Variants in LRRC7 observed in about 807,000 individuals in gnomAD.
LRRC7 encodes the protein leucine-rich repeat-containing protein 7.
LRRC7 carries 23 observed loss-of-function variants against 175.7 expected under a neutral mutation model. The ratio of observed to expected loss-of-function variants is 0.13; its 90% CI spans 0.09 to 0.19. The LOEUF is 0.19. LRRC7 is among the 10% of genes least tolerant of loss of function. The probability of loss-of-function intolerance (pLI) is 1.00; values close to 1 mark genes in which losing one functional copy is unlikely to be tolerated. For missense variants in LRRC7, 1,354 were observed against 1,904.7 expected (o/e 0.71, Z 5.38); for synonymous variants, 685 against 680.9 (o/e 1.01, Z -0.09).
At chr1:69,919,457 G>A in intron 7 of LRRC7, 1 of 987,956 alleles carries the variant, frequency 1.0e-6, no homozygotes, top group Non-Finnish European at 1.6e-6. Flanking sequence ...CCCAGCCAGT[G>A]GGAGCGGCCC....
chr1:70,095,039 C>G (rs926987222), intron 25 of LRRC7, among the ~76,000 whole-genome samples: 2 of 152,096 alleles, frequency 1.3e-5, no homozygotes, highest in Non-Finnish European at 2.9e-5. Flanking sequence ...TGTGCAGCTA[C>G]TAGACAAATA....
At chr1:69,760,929 A>G (rs1313897894) in intron 3 of LRRC7, among the ~76,000 whole-genome samples, 1 of 151,594 alleles carries the variant, frequency 6.6e-6, no homozygotes, top group African/African-American at 2.4e-5. Context: ...AAAGTTTACT[A>G]GGAATTTGAA....
At chr1:69,927,326 C>A (rs1041923295) in intron 7 of LRRC7, among the ~76,000 whole-genome samples, 12 of 152,140 alleles carry the variant, frequency 7.9e-5, no homozygotes, top group African/African-American at 2.9e-4. Flanking sequence ...GTGGCGTTCT[C>A]TGTATTTCCT....
At chr1:69,647,723 A>G (rs941506105) in intron 1 of LRRC7, among the ~76,000 whole-genome samples, 3 of 152,102 alleles carry the variant, frequency 2.0e-5, no homozygotes, top group African/African-American at 7.2e-5. Flanking sequence ...ATCCCATTAT[A>G]TGTATATTAA....
chr1:70,006,284 G>A (rs1655985109), intron 11 of LRRC7, among the ~76,000 whole-genome samples: 1 of 151,776 alleles, frequency 6.6e-6, no homozygotes, highest in African/African-American at 2.4e-5. Flanking sequence ...TTTTAATACA[G>A]GAAGTCCTTG....
In LRRC7 at chr1:70,127,049, A is replaced by G. The variant is rs900827255; in HGVS notation, c.*5162A>G. Among the ~76,000 whole-genome samples, 2 of 152,186 alleles carry G rather than the reference A, an allele frequency of 1.3e-5. No homozygotes were observed. Among genetic ancestry groups the G allele is most frequent in the African/African-American group, 2.4e-5 (1 of 41,456 alleles). ...GGTTACAGCTCCCAATTTGGGAGGAACTTTCTTGGGTAACGCAGGAACCTG... is the reference window on the plus strand; with the variant it reads ...GGTTACAGCTCCCAATTTGGGAGGAGCTTTCTTGGGTAACGCAGGAACCTG... On this transcript the variant is annotated 3_prime_UTR_variant, in exon 27 of 27. Transcript: ENST00000651989.
At chr1:69,638,503 A>C (rs1278324567) in intron 1 of LRRC7, among the ~76,000 whole-genome samples, 1 of 151,746 alleles carries the variant, frequency 6.6e-6, no homozygotes, top group South Asian at 2.1e-4. Flanking sequence ...TGGAGATCAC[A>C]ATTTGATTCC....
chr1:69,715,206 T>C lies in LRRC7; in HGVS notation c.100+36728T>C, dbSNP rs1665210183. ...TGATAATCAATCCTCCCTTTAAGAC[T>C]TTTAAGACATACCAGGCCCTGCCTG... On this transcript the variant is annotated intron_variant, in intron 2 of 26. Coordinates refer to ENST00000651989, the MANE Select transcript of LRRC7 (RefSeq NM_001370785.2). Among the ~76,000 whole-genome samples the C allele has an allele frequency of 2.6e-5, 4 of 152,282 alleles. 1 individual carries two copies. In the South Asian group the frequency reaches 8.3e-4, roughly 32 times the overall value.
chr1:70,036,465 T>C lies in LRRC7; in HGVS notation c.2129T>C (p.Val710Ala). 1 of 1,613,220 alleles carries C rather than the reference T, an allele frequency of 6.2e-7. No individual in the cohort carries two copies. Among genetic ancestry groups the C allele is most frequent in the Non-Finnish European group, 8.5e-7 (1 of 1,179,708 alleles). Reference protein sequence around the residue: ...DKKESTDESEVDKTHCLNNSV... With the variant: ...DKKESTDESEADKTHCLNNSV... ...TCAGAATCAACTGATGAGTCTGAAG[T>C]TGACAAAACTCACTGTCTGAATAAC... The change falls in exon 20 of 27, where the codon GTT becomes GCT. Residue 710 changes from valine to alanine, a missense_variant. Val to Ala is a moderately conservative substitution (Grantham distance 64). Coordinates refer to ENST00000651989, the MANE Select transcript of LRRC7 (RefSeq NM_001370785.2).
rs577353402 is a variant in LRRC7 at position 70,132,974 on chromosome 1, C to G, written c.*11087C>G. 1.2e-4 allele frequency among the ~76,000 whole-genome samples: 19 copies of G among 152,150 alleles called. No individual in the cohort carries two copies. The East Asian group carries it at 3.5e-3, about 28-fold the overall frequency. On this transcript the variant is annotated 3_prime_UTR_variant, in exon 27 of 27. Coordinates refer to ENST00000651989, the MANE Select transcript of LRRC7 (RefSeq NM_001370785.2). ...GTGAACATTTCCCTCTGTAACCCAC[C>G]CTTATAAAGCAACAAATTGTGTTTC...
chr1:69,601,920 G>T (rs1647090692), intron 1 of LRRC7, among the ~76,000 whole-genome samples: 1 of 151,948 alleles, frequency 6.6e-6, no homozygotes, highest in Non-Finnish European at 1.5e-5. Context: ...ACCTCCACTG[G>T]TTCACACGTG....
chr1:70,091,678 T>C (rs1664044671), intron 25 of LRRC7, among the ~76,000 whole-genome samples: 2 of 152,200 alleles, frequency 1.3e-5, no homozygotes, highest in South Asian at 4.1e-4. Flanking sequence ...ATGAACACTT[T>C]ATAGCTATTC....
intron 23 of LRRC7, among the ~76,000 whole-genome samples, chr1:70,072,310 C>T (rs150599798): frequency 0.013 from 2,009 of 152,306 alleles, 23 homozygotes; most frequent in South Asian, 0.026. Context: ...TAACCCTCTG[C>T]ATGAATAAGT....
chr1:69,730,975 G>A (rs990845578), intron 2 of LRRC7, among the ~76,000 whole-genome samples: 1 of 152,032 alleles, frequency 6.6e-6, no homozygotes, highest in Non-Finnish European at 1.5e-5. Context: ...AGCAAGCAGT[G>A]CCGAGAAAAA....
chr1:69,578,505 C>A (rs1237714824), intron 1 of LRRC7, among the ~76,000 whole-genome samples: 3 of 146,262 alleles, frequency 2.1e-5, no homozygotes, highest in East Asian at 2.0e-4. Context: ...ATGTTTATTG[C>A]GGCACTATTC....
Position 70,141,527 on chromosome 1 carries a change from G to C in LRRC7, c.*19640G>C, listed in dbSNP as rs980271046. The C allele has an allele frequency of 1.3e-5, 2 of 151,766 alleles. No homozygotes were observed. The highest frequency in any genetic ancestry group is 1.3e-4 in the Admixed American group (2 of 15,206). 9.4% of individuals were successfully genotyped at this position (151,766 alleles called of 1,614,324 possible). A position where few individuals can be genotyped will look rare whatever the true frequency, so the allele number is the denominator to read the frequency against. ...GAACTGTTTGTCAGAAATTAAACAG[G>C]ACTTATTTGAATGTGCTTTAAAAAA... On this transcript the variant is annotated 3_prime_UTR_variant, in exon 27 of 27. Coordinates refer to ENST00000651989, the MANE Select transcript of LRRC7 (RefSeq NM_001370785.2).
intron 2 of LRRC7, among the ~76,000 whole-genome samples, chr1:69,732,226 AT>A (rs925823099): frequency 2.6e-5 from 4 of 152,080 alleles, no homozygotes; most frequent in Non-Finnish European, 4.4e-5. Flanking sequence ...AAAGCTAAAT[AT>A]TTTTTTAAAT....
chr1:69,674,738 T>C (rs890699654), intron 1 of LRRC7, among the ~76,000 whole-genome samples: 4 of 152,164 alleles, frequency 2.6e-5, no homozygotes, highest in African/African-American at 4.8e-5. Flanking sequence ...TGGCCACTTA[T>C]ATACCTGGAT....
chr1:69,958,348 G>C (rs891048172), intron 8 of LRRC7, among the ~76,000 whole-genome samples: 9 of 151,972 alleles, frequency 5.9e-5, no homozygotes, highest in African/African-American at 2.2e-4. Flanking sequence ...ACTTCCACAA[G>C]AGCAATTTTC....
Sources: gnomAD v4.1 joint callset for allele counts (sites outside exome capture counted in the v4.1 genomes callset) on GRCh38, gnomAD v4.1.1 for gene constraint, MANE v1.5 for transcripts, NCBI Gene and HGNC (gene_info 2026-07-23, HGNC 2026-07-21) for gene names.